Variants in ATXN1 observed in about 807,000 individuals in gnomAD.
The protein encoded by ATXN1 is ataxin 1, also known as ataxin-1.
Under a neutral mutation model 56.4 loss-of-function variants are expected in ATXN1, and 8 were observed. The ratio of observed to expected loss-of-function variants is 0.14; its 90% CI spans 0.08 to 0.26. The LOEUF is 0.26. ATXN1 is among the 10% of genes least tolerant of loss of function. The pLI is 1.00. For synonymous variants in ATXN1, 514 were observed against 494.6 expected (o/e 1.04, Z -0.52); for missense variants, 987 against 1,106.5 (o/e 0.89, Z 1.53).
At chr6:16,462,642 T>C (rs1268421326) in intron 6 of ATXN1, among the ~76,000 whole-genome samples, 1 of 152,142 alleles carries the variant, frequency 6.6e-6, no homozygotes, top group African/African-American at 2.4e-5. Flanking sequence ...TTTTACGCTC[T>C]TACATTTCCA....
chr6:16,416,056 G>A (rs1184277933), intron 6 of ATXN1, among the ~76,000 whole-genome samples: 1 of 127,028 alleles, frequency 7.9e-6, no homozygotes, highest in Non-Finnish European at 1.6e-5. Context: ...TCAGGAAAGT[G>A]TTTAATTTAT....
chr6:16,440,648 A>AAAAAAAAAAAAAAAAAAAAAAAGAAAG lies in ATXN1; in HGVS notation c.-161+45323_-161+45324insCTTTCTTTTTTTTTTTTTTTTTTTTTT, dbSNP rs748929817. On this transcript the variant is annotated intron_variant, in intron 6 of 7. Coordinates refer to ENST00000436367, the MANE Select transcript of ATXN1 (RefSeq NM_001128164.2). ...AGAGTGAGACCCTGTCTTAAAAAAAAAAAAGAAAAGAAAAGAAAAAATTAA... is the reference window on the plus strand; with the variant it reads ...AGAGTGAGACCCTGTCTTAAAAAAAAAAAAAAAAAAAAAAAAAAAAAAGAAAGAAAAGAAAAGAAAAGAAAAAATTAA... Among the ~76,000 whole-genome samples, 480 of 118,366 alleles carry AAAAAAAAAAAAAAAAAAAAAAAGAAAG rather than the reference A, an allele frequency of 4.1e-3. 21 individuals carry two copies. The highest frequency in any genetic ancestry group is 0.013 in the African/African-American group (354 of 27,916). 77.7% of individuals were successfully genotyped at this position (118,366 alleles called of 152,430 possible).
At chr6:16,500,921 C>T (rs758695353) in intron 5 of ATXN1, among the ~76,000 whole-genome samples, 2 of 152,172 alleles carry the variant, frequency 1.3e-5, no homozygotes, top group Non-Finnish European at 2.9e-5. Flanking sequence ...ACACAATTTC[C>T]ACATAATATC....
intron 6 of ATXN1, among the ~76,000 whole-genome samples, chr6:16,405,686 G>T (rs1356484234): frequency 6.6e-6 from 1 of 152,190 alleles, no homozygotes; most frequent in Non-Finnish European, 1.5e-5. Context: ...GTTGGCTGGA[G>T]GAGTCTACAA....
chr6:16,353,274 T>C (rs1293424516), intron 6 of ATXN1, among the ~76,000 whole-genome samples: 1 of 152,074 alleles, frequency 6.6e-6, no homozygotes, highest in Non-Finnish European at 1.5e-5. Context: ...GAGAACGAGG[T>C]CTATGACAGA....
intron 6 of ATXN1, among the ~76,000 whole-genome samples, chr6:16,401,061 T>A (rs1425000468): frequency 6.6e-6 from 1 of 152,214 alleles, no homozygotes; most frequent in Non-Finnish European, 1.5e-5. Context: ...TTTTAAAGTG[T>A]CCAGTGTCCT....
chr6:16,628,865 A>G (rs1191509124), intron 3 of ATXN1, among the ~76,000 whole-genome samples: 6 of 152,052 alleles, frequency 3.9e-5, no homozygotes, highest in African/African-American at 1.4e-4. Flanking sequence ...CCAATCTGTC[A>G]TTGATGGGCA....
intron 6 of ATXN1, among the ~76,000 whole-genome samples, chr6:16,447,223 TTTAA>T (rs1207900039): frequency 2.0e-5 from 3 of 152,300 alleles, no homozygotes; most frequent in African/African-American, 2.4e-5. Flanking sequence ...TTTAAAAATT[TTTAA>T]TTAATTAATT....
intron 2 of ATXN1, among the ~76,000 whole-genome samples, chr6:16,668,528 AG>A (rs1258314692): frequency 6.6e-6 from 1 of 152,134 alleles, no homozygotes; most frequent in Non-Finnish European, 1.5e-5. Flanking sequence ...AGGAGTCTAT[AG>A]AGTTCAGCCA....
intron 6 of ATXN1, among the ~76,000 whole-genome samples, chr6:16,433,325 T>A (rs1054013091): frequency 1.3e-5 from 2 of 152,196 alleles, no homozygotes; most frequent in Non-Finnish European, 2.9e-5. Flanking sequence ...ATACTTCTTT[T>A]TGGGAACTTT....
At position 16,730,746 on chromosome 6, in the gene ATXN1, T is replaced by G. The variant is rs1759957892; in HGVS notation, c.-615+22487A>C. On this transcript the variant is annotated intron_variant, in intron 2 of 7. Transcript: ENST00000436367. ...TCGTTGTGAACTTCAGTTATTGCCT[T>G]TCCACTGGCTAAACACAACCACACA... 2.0e-5 allele frequency among the ~76,000 whole-genome samples: 3 copies of G among 152,078 alleles called. No individual in the cohort carries two copies. In the South Asian group the frequency reaches 6.2e-4, roughly 31 times the overall value.
chr6:16,316,892 T>C (rs973668080), intron 7 of ATXN1, among the ~76,000 whole-genome samples: 1 of 129,622 alleles, frequency 7.7e-6, no homozygotes, highest in East Asian at 2.1e-4. Flanking sequence ...TTTTTTTTTT[T>C]AACCAGCCAG....
At chr6:16,561,837 T>C (rs1762124755) in intron 4 of ATXN1, among the ~76,000 whole-genome samples, 1 of 151,992 alleles carries the variant, frequency 6.6e-6, no homozygotes, top group African/African-American at 2.4e-5. Context: ...GAGAGGAACA[T>C]GTATATAATT....
intron 6 of ATXN1, among the ~76,000 whole-genome samples, chr6:16,335,799 G>T (rs1400403417): frequency 1.3e-5 from 2 of 152,174 alleles, no homozygotes; most frequent in South Asian, 2.1e-4. Context: ...AGAGGCAAAG[G>T]CCCTGTGGAG....
chr6:16,692,997 C>A (rs1250889302), intron 2 of ATXN1, among the ~76,000 whole-genome samples: 3 of 152,130 alleles, frequency 2.0e-5, no homozygotes, highest in Non-Finnish European at 2.9e-5. Flanking sequence ...AGTGCATGGG[C>A]TCTGGAGCCA....
intron 7 of ATXN1, among the ~76,000 whole-genome samples, chr6:16,318,388 G>C (rs1277492092): frequency 6.6e-6 from 1 of 152,052 alleles, no homozygotes; most frequent in African/African-American, 2.4e-5. Context: ...TCTTAACTTT[G>C]TCTGCAAGTG....
At chr6:16,507,029 A>T (rs1760992583) in intron 5 of ATXN1, among the ~76,000 whole-genome samples, 1 of 152,186 alleles carries the variant, frequency 6.6e-6, no homozygotes, top group African/African-American at 2.4e-5. Context: ...CTTTTTTAGA[A>T]CACTGTCCTT....
Position 16,665,404 on chromosome 6 carries a change from A to G in ATXN1, c.-614-7503T>C, listed in dbSNP as rs77306065. On this transcript the variant is annotated intron_variant, in intron 2 of 7. Transcript: ENST00000436367. Reference sequence around the variant, plus strand: ...AAAAGTTGACACATTTCATTACACAATATCATCACACATCATATAGCCTCT... The same window carrying G: ...AAAAGTTGACACATTTCATTACACAGTATCATCACACATCATATAGCCTCT... Among the ~76,000 whole-genome samples, 2,404 of 152,322 alleles carry G rather than the reference A, an allele frequency of 0.016. 247 individuals carry two copies. The East Asian group carries it at 0.3, about 19-fold the overall frequency.
intron 1 of ATXN1, chr6:16,754,785 A>AT (rs1297251743): frequency 6.6e-6 from 1 of 152,250 alleles, no homozygotes; most frequent in Non-Finnish European, 1.5e-5. Context: ...GTTATACACT[A>AT]TAAGGTCTTT....
Sources: gnomAD v4.1 joint callset for allele counts (sites outside exome capture counted in the v4.1 genomes callset) on GRCh38, gnomAD v4.1.1 for gene constraint, MANE v1.5 for transcripts, NCBI Gene and HGNC (gene_info 2026-07-23, HGNC 2026-07-21) for gene names.